The following SEPTIN7 variants were observed in gnomAD, a reference collection of about 807,000 sequenced individuals.
The protein encoded by SEPTIN7 is septin-7.
A neutral mutation model predicts 63.3 loss-of-function variants in SEPTIN7; 10 were observed. That is an observed-to-expected ratio of 0.16 (90% CI 0.10 to 0.27). The LOEUF (loss-of-function observed/expected upper bound fraction) is 0.27. Among genes scored for constraint, SEPTIN7 ranks in the 10% least tolerant of loss-of-function variants. The probability of loss-of-function intolerance (pLI) is 1.00; values close to 1 mark genes in which losing one functional copy is unlikely to be tolerated. For missense variants in SEPTIN7, 310 were observed against 521.0 expected (o/e 0.59, Z 3.94); for synonymous variants, 131 against 165.3 (o/e 0.79, Z 1.59).
chr7:35,852,797 C>T (rs1583565811), intron 3 of SEPTIN7, among the ~76,000 whole-genome samples: 1 of 152,040 alleles, frequency 6.6e-6, no homozygotes, highest in Admixed American at 6.5e-5. Flanking sequence ...AGGTACTTGA[C>T]TTGAGTCAAT....
intron 4 of SEPTIN7, 29 bp from the exon 5 acceptor site, chr7:35,872,637 A>G: frequency 1.3e-6 from 2 of 1,515,386 alleles, no homozygotes; most frequent in Non-Finnish European, 1.8e-6. Flanking sequence ...AATGTATGAT[A>G]TTAACATCTG....
intron 10 of SEPTIN7, among the ~76,000 whole-genome samples, chr7:35,890,289 C>G (rs1238526047): frequency 6.6e-6 from 1 of 152,086 alleles, no homozygotes; most frequent in Non-Finnish European, 1.5e-5. Context: ...AGTAATATTG[C>G]TAAAAGGCAG....
intron 7 of SEPTIN7, among the ~76,000 whole-genome samples, chr7:35,881,977 C>T (rs1041855195): frequency 1.1e-4 from 16 of 151,922 alleles, no homozygotes; most frequent in African/African-American, 3.1e-4. Flanking sequence ...TGTGTATGCA[C>T]ATGTACATGT....
Position 35,904,745 on chromosome 7 carries a change from AT to A in SEPTIN7, c.*455del, listed in dbSNP as rs1272913153. Reference sequence around the variant, plus strand: ...TCAGTGCAGCATATACAATAATGTAATTTAGTCTAACACAGTTGACCCTATT... The same window carrying A: ...TCAGTGCAGCATATACAATAATGTAATTAGTCTAACACAGTTGACCCTATT... On this transcript the variant is annotated 3_prime_UTR_variant, in exon 14 of 14. Coordinates refer to ENST00000350320, the MANE Select transcript of SEPTIN7 (RefSeq NM_001788.6). 1 of 152,810 alleles carries A rather than the reference AT, an allele frequency of 6.5e-6. No individual in the cohort carries two copies. Among genetic ancestry groups the A allele is most frequent in the Non-Finnish European group, 1.5e-5 (1 of 68,234 alleles). The allele number at this position is 152,810 out of a possible 1,614,324, so 9.5% of individuals were successfully genotyped here. A position where few individuals can be genotyped will look rare whatever the true frequency, so the allele number is the denominator to read the frequency against.
At chr7:35,819,761 G>C (rs1340658263) in intron 1 of SEPTIN7, among the ~76,000 whole-genome samples, 1 of 150,956 alleles carries the variant, frequency 6.6e-6, no homozygotes, top group African/African-American at 2.4e-5. Flanking sequence ...GCTCTCTCTT[G>C]TTTTCTGTCC....
downstream of SEPTIN7, among the ~76,000 whole-genome samples, chr7:35,910,409 C>T (rs1388948673): frequency 2.6e-5 from 4 of 152,196 alleles, no homozygotes; most frequent in African/African-American, 9.7e-5. Flanking sequence ...TAATTGGATT[C>T]TCCCTAAAAT....
At chr7:35,860,957 A>G (rs1014639246) in intron 3 of SEPTIN7, among the ~76,000 whole-genome samples, 2 of 152,090 alleles carry the variant, frequency 1.3e-5, no homozygotes, top group Non-Finnish European at 2.9e-5. Context: ...TTGAGTATAT[A>G]TTGGTCCAAT....
chr7:35,838,300 CCT>C (rs1322012804), intron 3 of SEPTIN7, among the ~76,000 whole-genome samples: 1 of 6,482 alleles, frequency 1.5e-4, no homozygotes, highest in Non-Finnish European at 2.6e-4. Context: ...TTCCTTCCTT[CCT>C]TCCCTCCCTC....
At chr7:35,838,272 C>T (rs1387741054) in intron 3 of SEPTIN7, among the ~76,000 whole-genome samples, 6 of 12,698 alleles carry the variant, frequency 4.7e-4, no homozygotes, top group African/African-American at 2.7e-3. Context: ...TTCCTTCCTT[C>T]CTTCCTTCCT....
chr7:35,904,997 A>G lies in SEPTIN7; in HGVS notation c.*704A>G, dbSNP rs1213177362. 6.6e-6 allele frequency: 1 copy of G among 152,642 alleles called. No individual in the cohort carries two copies. Among genetic ancestry groups the G allele is most frequent in the Non-Finnish European group, 1.5e-5 (1 of 68,032 alleles). 9.5% of individuals were successfully genotyped at this position (152,642 alleles called of 1,614,324 possible). A position where few individuals can be genotyped will look rare whatever the true frequency, so the allele number is the denominator to read the frequency against. Reference sequence around the variant, plus strand: ...TATTTTCCATATATTGGCACTGCTAAAATAGAATATAGCATCTTTCATATG... The same window carrying G: ...TATTTTCCATATATTGGCACTGCTAGAATAGAATATAGCATCTTTCATATG... On this transcript the variant is annotated 3_prime_UTR_variant, in exon 14 of 14. Transcript: ENST00000350320.
chr7:35,892,865 T>C (rs1490490787), intron 11 of SEPTIN7, among the ~76,000 whole-genome samples: 1 of 152,166 alleles, frequency 6.6e-6, no homozygotes, highest in Admixed American at 6.5e-5. Context: ...TTTGCATTGC[T>C]AAAAAGCAAA....
chr7:35,801,864 C>T lies in SEPTIN7; in HGVS notation c.61+594C>T, dbSNP rs1028615300. On this transcript the variant is annotated intron_variant, in intron 1 of 13. Coordinates refer to ENST00000350320, the MANE Select transcript of SEPTIN7 (RefSeq NM_001788.6). ...GCGGCGGCGGCGGCTGCAGCCGCAG[C>T]TCCAGTCACCGCGTCGCCTCCCCGC... Among the ~76,000 whole-genome samples the T allele has an allele frequency of 4.5e-4, 68 of 152,220 alleles. 1 individual carries two copies. Among genetic ancestry groups the T allele is most frequent in the African/African-American group, 1.6e-3 (66 of 41,554 alleles).
chr7:35,846,574 T>A (rs1232504203), intron 3 of SEPTIN7, among the ~76,000 whole-genome samples: 1 of 152,186 alleles, frequency 6.6e-6, no homozygotes, highest in Non-Finnish European at 1.5e-5. Context: ...ATGGCTCAAC[T>A]TTGCAGTGTC....
At position 35,813,287 on chromosome 7, in the gene SEPTIN7, A is replaced by C. The variant is rs1407138661; in HGVS notation, c.61+12017A>C. Among the ~76,000 whole-genome samples the C allele has an allele frequency of 2.6e-5, 4 of 152,102 alleles. No homozygotes were observed. In the East Asian group the frequency reaches 5.8e-4, roughly 22 times the overall value. ...CTTATGAATCTTTTATATATTAAAA[A>C]CTTTTAGGTCATCATTTTAGCACCT... is the stretch of plus-strand genomic sequence containing the variant. On this transcript the variant is annotated intron_variant, in intron 1 of 13. Coordinates refer to ENST00000350320, the MANE Select transcript of SEPTIN7 (RefSeq NM_001788.6).
At chr7:35,914,618 C>T in the SEPTIN7 span, among the ~76,000 whole-genome samples, 1 of 149,042 alleles carries the variant, frequency 6.7e-6, no homozygotes, top group Non-Finnish European at 1.5e-5. Context: ...ATAAATCTCT[C>T]TCTCTTCTCT....
intron 1 of SEPTIN7, among the ~76,000 whole-genome samples, chr7:35,819,892 T>A (rs1789309338): frequency 6.6e-6 from 1 of 152,190 alleles, no homozygotes; most frequent in African/African-American, 2.4e-5. Context: ...GGAGTCCTAT[T>A]ATACCTGAAA....
intron 11 of SEPTIN7, among the ~76,000 whole-genome samples, chr7:35,893,627 A>G (rs1340683430): frequency 1.3e-5 from 2 of 152,164 alleles, no homozygotes; most frequent in African/African-American, 4.8e-5. Context: ...GCAGTGCATG[A>G]CTGTGAATCA....
intron 3 of SEPTIN7, among the ~76,000 whole-genome samples, chr7:35,853,986 G>A (rs1318791256): frequency 6.6e-6 from 1 of 152,140 alleles, no homozygotes; most frequent in Non-Finnish European, 1.5e-5. Context: ...GATGCAGATT[G>A]AGTATCCCTA....
intron 11 of SEPTIN7, among the ~76,000 whole-genome samples, chr7:35,894,142 T>C (rs1314785795): frequency 1.7e-3 from 204 of 120,414 alleles, no homozygotes; most frequent in African/African-American, 5.5e-3. Context: ...TTTTTTTTTT[T>C]CTAAACTTCC....
Sources: allele counts gnomAD v4.1 joint callset (sites outside exome capture counted in the v4.1 genomes callset), GRCh38; gene constraint gnomAD v4.1.1; transcripts MANE v1.5; gene names NCBI Gene and HGNC (gene_info 2026-07-23, HGNC 2026-07-21).